CTSC: variants seen among roughly 807,000 people sequenced by gnomAD.
The protein encoded by CTSC is cathepsin C.
Under a neutral mutation model 40.9 loss-of-function variants are expected in CTSC, and 37 were observed. The ratio of observed to expected loss-of-function variants is 0.91; its 90% CI spans 0.70 to 1.19. CTSC has a LOEUF of 1.19. CTSC is among the 50% of genes most tolerant of loss of function. The pLI, the probability that CTSC is intolerant of heterozygous loss-of-function variation, is 0.00. For synonymous variants in CTSC, 232 were observed against 207.4 expected (o/e 1.12, Z -1.02); for missense variants, 594 against 567.3 (o/e 1.05, Z -0.48).
chr11:88,297,372 A>T (rs976133708), intron 5 of CTSC: 1 of 152,246 alleles, frequency 6.6e-6, no homozygotes, highest in Non-Finnish European at 1.5e-5. Flanking sequence ...GAACACACTG[A>T]ACTAGGAGTG....
At chr11:88,309,512 T>C (rs1388210465) in intron 3 of CTSC, among the ~76,000 whole-genome samples, 194 bp from the exon 4 acceptor site, 1 of 152,156 alleles carries the variant, frequency 6.6e-6, no homozygotes, top group Admixed American at 6.6e-5. Context: ...TTAACTAAGA[T>C]GCATGTATAA....
chr11:88,335,940 T>C (rs1227053780), intron 1 of CTSC, among the ~76,000 whole-genome samples: 1 of 152,162 alleles, frequency 6.6e-6, no homozygotes, highest in East Asian at 1.9e-4. Context: ...CCTTCCAAAG[T>C]TTATTCAGCA....
intron 4 of CTSC, among the ~76,000 whole-genome samples, chr11:88,307,588 A>T (rs1448691076): frequency 3.2e-5 from 4 of 126,904 alleles, no homozygotes; most frequent in Non-Finnish European, 6.4e-5. Context: ...TTTGCTGGAC[A>T]TCAAAGCATA....
intron 2 of CTSC, chr11:88,324,739 G>C: frequency 1.0e-6 from 1 of 985,400 alleles, no homozygotes; most frequent in Non-Finnish European, 1.2e-6. Flanking sequence ...CCAAAGTTCT[G>C]ATGTTTCTCA....
At chr11:88,300,333 TAGAAA>T (rs1204427946) in intron 5 of CTSC, among the ~76,000 whole-genome samples, 192 bp downstream of exon 5, 1 of 152,214 alleles carries the variant, frequency 6.6e-6, no homozygotes, top group Non-Finnish European at 1.5e-5. Context: ...CTAAGCTCAG[TAGAAA>T]AGAAAATTTT....
chr11:88,317,202 G>A (rs1442445760), intron 2 of CTSC, among the ~76,000 whole-genome samples: 3 of 152,042 alleles, frequency 2.0e-5, no homozygotes, highest in Non-Finnish European at 2.9e-5. Flanking sequence ...CCTGACCTCA[G>A]GTGATCCGTC....
At chr11:88,324,522 T>C (rs1938122410) in intron 2 of CTSC, 2 of 978,986 alleles carry the variant, frequency 2.0e-6, no homozygotes, top group African/African-American at 1.8e-5. Flanking sequence ...TCTTTGTAAG[T>C]TGGTAATACT....
chr11:88,333,778 G>A (rs939910391), intron 2 of CTSC, among the ~76,000 whole-genome samples: 21 of 152,190 alleles, frequency 1.4e-4, no homozygotes, highest in Admixed American at 1.4e-3. Flanking sequence ...CACTAATTCA[G>A]TGGACTGGTG....
chr11:88,295,577 C>T (rs747139733), intron 6 of CTSC, among the ~76,000 whole-genome samples: 16 of 151,818 alleles, frequency 1.1e-4, no homozygotes, highest in South Asian at 2.1e-4. Flanking sequence ...GAAGGGGTTT[C>T]GCCGTGTTGC....
At chr11:88,299,909 C>G (rs1473901186) in intron 5 of CTSC, among the ~76,000 whole-genome samples, 1 of 152,152 alleles carries the variant, frequency 6.6e-6, no homozygotes, top group Non-Finnish European at 1.5e-5. Context: ...CACATTGTAT[C>G]AAACTTCTGA....
chr11:88,329,648 T>C (rs1938295036), intron 2 of CTSC, among the ~76,000 whole-genome samples: 4 of 152,086 alleles, frequency 2.6e-5, no homozygotes, highest in African/African-American at 9.7e-5. Context: ...AATAATCACA[T>C]ATCCAGCCAT....
chr11:88,301,190 A>G lies in CTSC; in HGVS notation c.642-545T>C, dbSNP rs531299381. On this transcript the variant is annotated intron_variant, in intron 4 of 6. Coordinates refer to ENST00000227266, the MANE Select transcript of CTSC (RefSeq NM_001814.6). ...GACTTCCTAGAACTAAATAAAGTGGAAACACTTCAGCAATGGCAGGAATGC... is the reference window on the plus strand; with the variant it reads ...GACTTCCTAGAACTAAATAAAGTGGGAACACTTCAGCAATGGCAGGAATGC... 5.3e-5 allele frequency among the ~76,000 whole-genome samples: 8 copies of G among 152,312 alleles called. 1 individual carries two copies. In the South Asian group the frequency reaches 1.7e-3, roughly 32 times the overall value.
chr11:88,335,082 C>G lies in CTSC; in HGVS notation c.173G>C (p.Gly58Ala). The change falls in exon 2 of 7, where the codon GGA (glycine) becomes GCA (alanine). Residue 58 changes from glycine to alanine, a missense_variant and splice_region_variant. Gly to Ala is a moderately conservative substitution (Grantham distance 60, BLOSUM62 0). Transcript: ENST00000227266. ...SQRDVNCSVMGPQEKKVVVYL... is the reference protein window; with the variant it reads ...SQRDVNCSVMAPQEKKVVVYL... ...CACCACTACTTTTTTTTCTTGTGGT[C>G]CTAAAGAAAAAAAAAAAAAGCACAA... is the stretch of plus-strand genomic sequence containing the variant. 1 of 1,586,360 alleles carries G rather than the reference C, an allele frequency of 6.3e-7. No homozygotes were observed. Among genetic ancestry groups the G allele is most frequent in the East Asian group, 2.2e-5 (1 of 44,570 alleles).
At chr11:88,322,071 G>A (rs1412307905) in intron 2 of CTSC, 1 of 152,126 alleles carries the variant, frequency 6.6e-6, no homozygotes, top group Non-Finnish European at 1.5e-5. Context: ...GTCTGTTCAT[G>A]TTCTTTGCCA....
Position 88,294,391 on chromosome 11 carries a change from T to G in CTSC, c.1007A>C (p.Asp336Ala), listed in dbSNP as rs763553641. Residue 336 changes from aspartate to alanine, a missense_variant, in exon 7 of 7, where the codon GAC becomes GCC. Asp to Ala is a moderately radical substitution (Grantham distance 126, BLOSUM62 -2). Coordinates refer to ENST00000227266, the MANE Select transcript of CTSC (RefSeq NM_001814.6). ...CTCAGAGGAGTAATAACGAAAGCAGTCTTCCTTCATTTTGCATGGAGAATC... is the reference window on the plus strand; with the variant it reads ...CTCAGAGGAGTAATAACGAAAGCAGGCTTCCTTCATTTTGCATGGAGAATC... The part of the protein sequence containing the change: ...GTDSPCKMKE[D>A]CFRYYSSEYH... 1 of 1,614,126 alleles carries G rather than the reference T, an allele frequency of 6.2e-7. No individual in the cohort carries two copies. The highest frequency in any genetic ancestry group is 1.1e-5 in the South Asian group (1 of 91,080).
At chr11:88,312,296 G>A (rs889958515) in intron 3 of CTSC, 92 bp downstream of exon 3, 1 of 1,219,444 alleles carries the variant, frequency 8.2e-7, no homozygotes, top group Non-Finnish European at 1.2e-6. Flanking sequence ...AAGATATTTT[G>A]TATAATCAAA....
At chr11:88,302,346 C>T (rs192239322) in intron 4 of CTSC, among the ~76,000 whole-genome samples, 2 of 152,258 alleles carry the variant, frequency 1.3e-5, no homozygotes, top group Admixed American at 1.3e-4. Flanking sequence ...TGACAAGGGG[C>T]CAGGCGCGGT....
intron 3 of CTSC, among the ~76,000 whole-genome samples, chr11:88,310,414 C>T (rs990179447): frequency 3.9e-5 from 6 of 152,036 alleles, no homozygotes; most frequent in African/African-American, 1.4e-4. Context: ...CATATTATTA[C>T]TATTAAAAAA....
Position 88,309,778 on chromosome 11 carries a change from C to T in CTSC, c.486-460G>A, listed in dbSNP as rs564676002. Among the ~76,000 whole-genome samples the T allele has an allele frequency of 3.3e-3, 478 of 146,656 alleles. 4 individuals are homozygous for T. The highest frequency in any genetic ancestry group is 5.5e-3 in the Non-Finnish European group (370 of 66,792). ...TATATGTATATTATATGTATATTAACGTATATGTATAATACATACATATAT... is the reference window on the plus strand; with the variant it reads ...TATATGTATATTATATGTATATTAATGTATATGTATAATACATACATATAT... On this transcript the variant is annotated intron_variant, in intron 3 of 6. Coordinates refer to ENST00000227266, the MANE Select transcript of CTSC (RefSeq NM_001814.6).
Sources: allele counts gnomAD v4.1 joint callset (sites outside exome capture counted in the v4.1 genomes callset), GRCh38; gene constraint gnomAD v4.1.1; transcripts MANE v1.5; gene names NCBI Gene and HGNC (gene_info 2026-07-23, HGNC 2026-07-21).